PPP1R3B: variants seen among roughly 807,000 people sequenced by gnomAD.
PPP1R3B encodes protein phosphatase 1 regulatory subunit 3B, also known as PP1 subunit R4.
Under a neutral mutation model 14.6 loss-of-function variants are expected in PPP1R3B, and 8 were observed. That is an observed-to-expected ratio of 0.55 (90% CI 0.32 to 0.99). The LOEUF (loss-of-function observed/expected upper bound fraction) is 0.99, where lower values mean the gene tolerates loss of function less well. Among genes scored for constraint, PPP1R3B ranks in the 50% least tolerant of loss-of-function variants. The pLI, the probability that PPP1R3B is intolerant of heterozygous loss-of-function variation, is 0.04. For missense variants in PPP1R3B, 452 were observed against 360.1 expected, an observed-to-expected ratio of 1.26 and a Z score of -2.07; for synonymous variants, 169 against 142.0, an observed-to-expected ratio of 1.19 and a Z score of -1.35.
At chr8:9,147,947 T>C (rs1335735183) in intron 1 of PPP1R3B, among the ~76,000 whole-genome samples, 1 of 152,190 alleles carries the variant, frequency 6.6e-6, no homozygotes, top group Non-Finnish European at 1.5e-5. Context: ...TCACTTTGTG[T>C]GTCACCATAA....
chr8:9,144,995 C>T (rs1017051488), intron 1 of PPP1R3B, among the ~76,000 whole-genome samples: 3 of 152,204 alleles, frequency 2.0e-5, no homozygotes, highest in South Asian at 4.1e-4. Context: ...ATCCACCCGC[C>T]TCGGCCTCCC....
intron 1 of PPP1R3B, among the ~76,000 whole-genome samples, chr8:9,147,078 G>C (rs1801263115): frequency 6.6e-6 from 1 of 151,940 alleles, no homozygotes; most frequent in African/African-American, 2.4e-5. Context: ...TGCCATCCGG[G>C]TTCAAGCGAT....
chr8:9,143,231 G>A (rs1801142781), intron 1 of PPP1R3B, among the ~76,000 whole-genome samples: 1 of 152,148 alleles, frequency 6.6e-6, no homozygotes, highest in Non-Finnish European at 1.5e-5. Flanking sequence ...TCTCATTGTG[G>A]CTTTATATTT....
chr8:9,149,238 C>G (rs1225656010), intron 1 of PPP1R3B, among the ~76,000 whole-genome samples: 2 of 145,012 alleles, frequency 1.4e-5, no homozygotes, highest in East Asian at 2.1e-4. Context: ...TGGTGGCTCA[C>G]GCCTGTAATC....
At chr8:9,148,025 C>T (rs985130988) in intron 1 of PPP1R3B, among the ~76,000 whole-genome samples, 3 of 152,106 alleles carry the variant, frequency 2.0e-5, no homozygotes, top group African/African-American at 7.2e-5. Flanking sequence ...GTCACCTTGC[C>T]TGTCCCACAG....
In PPP1R3B at chr8:9,140,389, G is replaced by A; in HGVS notation, c.*405C>T. 1 of 229,314 alleles carries A rather than the reference G, an allele frequency of 4.4e-6. No individual in the cohort carries two copies. Among genetic ancestry groups the A allele is most frequent in the Non-Finnish European group, 8.5e-6 (1 of 117,366 alleles). The allele number at this position is 229,314 out of a possible 1,614,324, so 14.2% of individuals were successfully genotyped here. A position where few individuals can be genotyped will look rare whatever the true frequency, so the allele number is the denominator to read the frequency against. On this transcript the variant is annotated 3_prime_UTR_variant, in exon 2 of 2. Transcript: ENST00000310455. ...CACCCAAAGATGAACACAATGAACA[G>A]TGAGGGTCTCACGCGAGGTGGCTGG... is the stretch of plus-strand genomic sequence containing the variant.
intron 1 of PPP1R3B, among the ~76,000 whole-genome samples, chr8:9,147,951 A>C (rs961126830): frequency 1.3e-5 from 2 of 152,142 alleles, no homozygotes; most frequent in African/African-American, 4.8e-5. Context: ...TTTGTGTGTC[A>C]CCATAACTGC....
intron 1 of PPP1R3B, among the ~76,000 whole-genome samples, chr8:9,149,117 C>A (rs1348280800): frequency 2.7e-5 from 4 of 145,948 alleles, no homozygotes; most frequent in South Asian, 2.2e-4. Flanking sequence ...GGCGCGAACC[C>A]GGGAGGCGGA....
chr8:9,144,818 TC>T (rs1437645301), intron 1 of PPP1R3B, among the ~76,000 whole-genome samples: 1 of 152,208 alleles, frequency 6.6e-6, no homozygotes, highest in East Asian at 1.9e-4. Flanking sequence ...CAATCTCGGT[TC>T]ACTGCAACCT....
intron 1 of PPP1R3B, among the ~76,000 whole-genome samples, chr8:9,147,542 A>C (rs751865607): frequency 3.5e-4 from 53 of 151,968 alleles, no homozygotes; most frequent in Admixed American, 1.2e-3. Flanking sequence ...GGAAACTCTC[A>C]AGATATTGTG....
Position 9,141,163 on chromosome 8 carries a change from C to A in PPP1R3B, c.489G>T (p.Arg163Ser). 1.9e-6 allele frequency: 3 copies of A among 1,614,076 alleles called. No homozygotes were observed. The highest frequency in any genetic ancestry group is 2.5e-6 in the Non-Finnish European group (3 of 1,180,004). The change falls in exon 2 of 2, where the codon AGG becomes AGT. Residue 163 changes from arginine (R) to serine (S), a missense_variant. Coordinates refer to ENST00000310455, the MANE Select transcript of PPP1R3B (RefSeq NM_024607.4). ...NLAFEKTVKI[R>S]MTFDTWKSYT... ...AGCTCTTCCAGGTGTCGAACGTCATCCTTATTTTCACGGTCTTCTCAAATG... is the reference window on the plus strand; with the variant it reads ...AGCTCTTCCAGGTGTCGAACGTCATACTTATTTTCACGGTCTTCTCAAATG...
At position 9,140,637 on chromosome 8, in the gene PPP1R3B, CTGTTTAAG is replaced by C. The variant is rs1185923723; in HGVS notation, c.*149_*156del. ...TGTAATCTGAACCTGGCTGGATTTG[CTGTTTAAG>C]AAAGAAGTGAAGAGGATCCTTTTAT... On this transcript the variant is annotated 3_prime_UTR_variant, in exon 2 of 2. Transcript: ENST00000310455. The C allele has an allele frequency of 1.7e-5, 13 of 747,550 alleles. No individual in the cohort carries two copies. In the East Asian group the frequency reaches 3.5e-4, roughly 20 times the overall value. The allele number at this position is 747,550 out of a possible 1,614,324, so 46.3% of individuals were successfully genotyped here. A position where few individuals can be genotyped will look rare whatever the true frequency, so the allele number is the denominator to read the frequency against.
rs995040521 is a variant in PPP1R3B, at chr8:9,141,321, C to G, written c.331G>C (p.Val111Leu). Residue 111 changes from valine to leucine, a missense_variant, in exon 2 of 2, where the codon GTT becomes CTT. Transcript: ENST00000310455. ...SLTTAESESF[V>L]LDFSQPSADY... The stretch of plus-strand genomic sequence containing the variant: ...GCAGAGGGCTGGGAAAAATCCAGAA[C>G]AAAGCTCTCGCTCTCTGCTGTCGTC... 1 of 1,614,046 alleles carries G rather than the reference C, an allele frequency of 6.2e-7. No individual in the cohort carries two copies. The highest frequency in any genetic ancestry group is 8.5e-7 in the Non-Finnish European group (1 of 1,180,048).
At chr8:9,146,906 G>C (rs1299367280) in intron 1 of PPP1R3B, among the ~76,000 whole-genome samples, 1 of 151,640 alleles carries the variant, frequency 6.6e-6, no homozygotes, top group Admixed American at 6.6e-5. Context: ...AGTTACTCTT[G>C]TCCTTTGCAA....
In PPP1R3B at chr8:9,141,098, G is replaced by C; in HGVS notation, c.554C>G (p.Ala185Gly). ...GGAGAACGTGTCCCTGTCTGAACCG[G>C]CATAAGTGTCCTTCACGTACTGACA... The part of the protein sequence containing the change: ...FPCQYVKDTY[A>G]GSDRDTFSFD... The change falls in exon 2 of 2, where the codon GCC becomes GGC. Residue 185 changes from alanine (A) to glycine (G), a missense_variant. Transcript: ENST00000310455. The C allele has an allele frequency of 6.2e-7, 1 of 1,614,142 alleles. No individual in the cohort carries two copies. The highest frequency in any genetic ancestry group is 8.5e-7 in the Non-Finnish European group (1 of 1,180,038).
At chr8:9,145,206 A>G (rs914702140) in intron 1 of PPP1R3B, 7 of 152,134 alleles carry the variant, frequency 4.6e-5, no homozygotes, top group African/African-American at 1.7e-4. Context: ...ACTTGTGGGG[A>G]AAAATGCTGT....
chr8:9,140,757 C>G lies in PPP1R3B; in HGVS notation c.*37G>C, dbSNP rs1554452082. Reference sequence around the variant, plus strand: ...GCACAGTGAGCAGAGCTAGGCTTGTCTGTGGCAGCTCCGCCACGCCCTGTC... The same window carrying G: ...GCACAGTGAGCAGAGCTAGGCTTGTGTGTGGCAGCTCCGCCACGCCCTGTC... On this transcript the variant is annotated 3_prime_UTR_variant, in exon 2 of 2. Coordinates refer to ENST00000310455, the MANE Select transcript of PPP1R3B (RefSeq NM_024607.4). 8.7e-6 allele frequency: 14 copies of G among 1,603,604 alleles called. No individual in the cohort carries two copies. In the South Asian group the frequency reaches 1.6e-4, roughly 18 times the overall value.
In PPP1R3B at chr8:9,138,268, C is replaced by T. The variant is rs1800957806; in HGVS notation, c.*2526G>A. On this transcript the variant is annotated 3_prime_UTR_variant, in exon 2 of 2. Coordinates refer to ENST00000310455, the MANE Select transcript of PPP1R3B (RefSeq NM_024607.4). The stretch of plus-strand genomic sequence containing the variant: ...TGTTACCCGATGTCTGGTATGTTTA[C>T]ATAAAACGTGGTTCTGCCCAGTAAC... 1 of 152,176 alleles carries T rather than the reference C, an allele frequency of 6.6e-6. No homozygotes were observed. The highest frequency in any genetic ancestry group is 1.5e-5 in the Non-Finnish European group (1 of 68,034). The allele number at this position is 152,176 out of a possible 1,614,324, so 9.4% of individuals were successfully genotyped here. A position where few individuals can be genotyped will look rare whatever the true frequency, so the allele number is the denominator to read the frequency against.
intron 1 of PPP1R3B, among the ~76,000 whole-genome samples, chr8:9,148,779 C>G (rs1412412465): frequency 1.3e-5 from 2 of 152,226 alleles, no homozygotes; most frequent in Admixed American, 6.5e-5. Flanking sequence ...TTTCAGGCAG[C>G]TGAACTACTG....
Sources: gnomAD v4.1 joint callset for allele counts (sites outside exome capture counted in the v4.1 genomes callset) on GRCh38, gnomAD v4.1.1 for gene constraint, MANE v1.5 for transcripts, NCBI Gene and HGNC (gene_info 2026-07-23, HGNC 2026-07-21) for gene names.